The following GRIP1 variants were observed in gnomAD, a reference collection of about 807,000 sequenced individuals.
GRIP1 encodes the protein glutamate receptor-interacting protein 1.
GRIP1 carries 45 observed loss-of-function variants against 129.9 expected under a neutral mutation model. The ratio of observed to expected loss-of-function variants is 0.35; its 90% confidence interval spans 0.27 to 0.44. GRIP1 has a LOEUF of 0.44. Among genes scored for constraint, GRIP1 ranks in the 20% least tolerant of loss-of-function variants. The probability of loss-of-function intolerance (pLI) is 1.00; values close to 1 mark genes in which losing one functional copy is unlikely to be tolerated. For missense variants in GRIP1, 1,196 were observed against 1,396.8 expected, an observed-to-expected ratio of 0.86 and a Z score of 2.29; for synonymous variants, 530 against 520.8, an observed-to-expected ratio of 1.02 and a Z score of -0.24.
chr12:66,925,884 TCCAC>T (rs975733558), intron 1 of GRIP1, among the ~76,000 whole-genome samples: 2 of 152,196 alleles, frequency 1.3e-5, no homozygotes, highest in Non-Finnish European at 2.9e-5. Context: ...TCTCAAGTGA[TCCAC>T]CCACCCCGGC....
chr12:66,708,871 T>G (rs2035622395), intron 1 of GRIP1, among the ~76,000 whole-genome samples: 1 of 151,580 alleles, frequency 6.6e-6, no homozygotes, highest in Non-Finnish European at 1.5e-5. Context: ...CTCCCTCTAC[T>G]GGCAAAAAAT....
At chr12:66,729,203 T>C (rs1217248793) in intron 1 of GRIP1, among the ~76,000 whole-genome samples, 2 of 152,086 alleles carry the variant, frequency 1.3e-5, no homozygotes, top group African/African-American at 4.8e-5. Flanking sequence ...ATGCTAGTCT[T>C]GACTGCTAGC....
intron 19 of GRIP1, among the ~76,000 whole-genome samples, chr12:66,389,948 C>T (rs1212329933): frequency 1.3e-5 from 2 of 152,198 alleles, no homozygotes; most frequent in South Asian, 2.1e-4. Flanking sequence ...TCAACAGAGA[C>T]CCAATAGCTG....
At chr12:66,563,879 TCC>T (rs1174236524) in intron 2 of GRIP1, 1 of 152,392 alleles carries the variant, frequency 6.6e-6, no homozygotes, top group Non-Finnish European at 1.5e-5. Flanking sequence ...GAACAGGTTC[TCC>T]CAAAGGGAGA....
intron 2 of GRIP1, among the ~76,000 whole-genome samples, chr12:66,542,829 G>C (rs1713082520): frequency 6.6e-6 from 1 of 152,100 alleles, no homozygotes; most frequent in African/African-American, 2.4e-5. Context: ...TCTTGGTAGG[G>C]ATGGGGAAAT....
In GRIP1 at chr12:66,782,385, T is replaced by C. The variant is rs548105308; in HGVS notation, c.-420+21668A>G. ...GGTTGTTAATTTTCTTCTTAACACC[T>C]TTCTCTGGAACTGGAGGCAATGAAG... On this transcript the variant is annotated intron_variant, in intron 1 of 4. Transcript: ENST00000538373. 2.6e-5 allele frequency among the ~76,000 whole-genome samples: 4 copies of C among 152,280 alleles called. No individual in the cohort carries two copies. In the South Asian group the frequency reaches 6.2e-4, roughly 24 times the overall value.
intron 1 of GRIP1, among the ~76,000 whole-genome samples, chr12:66,986,668 G>C (rs2042316480): frequency 7.8e-6 from 1 of 128,014 alleles, no homozygotes. Flanking sequence ...TCACACTCTG[G>C]GGACTATTGT....
chr12:66,532,317 G>C (rs2061484827), intron 4 of GRIP1, among the ~76,000 whole-genome samples: 1 of 152,064 alleles, frequency 6.6e-6, no homozygotes, highest in African/African-American at 2.4e-5. Flanking sequence ...TATACACAAA[G>C]TTCCAATTAA....
chr12:66,953,267 A>G (rs777191676), intron 1 of GRIP1, among the ~76,000 whole-genome samples: 1 of 152,214 alleles, frequency 6.6e-6, no homozygotes, highest in Non-Finnish European at 1.5e-5. Flanking sequence ...TGCAAAGGCT[A>G]TGAAGGAAAA....
intron 14 of GRIP1, among the ~76,000 whole-genome samples, chr12:66,421,388 A>G (rs1357959409): frequency 3.9e-5 from 6 of 152,128 alleles, no homozygotes; most frequent in Non-Finnish European, 8.8e-5. Flanking sequence ...TACGAAAAAC[A>G]CAAAAATTAG....
chr12:66,902,162 C>T (rs2040853998), intron 1 of GRIP1, among the ~76,000 whole-genome samples: 1 of 152,168 alleles, frequency 6.6e-6, no homozygotes, highest in South Asian at 2.1e-4. Flanking sequence ...ACAGCAAGCA[C>T]CTGGCACTTA....
chr12:66,897,843 A>C (rs917801760), intron 1 of GRIP1, among the ~76,000 whole-genome samples: 8 of 152,244 alleles, frequency 5.3e-5, no homozygotes, highest in Non-Finnish European at 1.2e-4. Flanking sequence ...ACACATGCAT[A>C]CACACCAGTT....
At chr12:66,388,550 T>A (rs1413504038) in intron 19 of GRIP1, among the ~76,000 whole-genome samples, 1 of 152,152 alleles carries the variant, frequency 6.6e-6, no homozygotes, top group Admixed American at 6.5e-5. Context: ...AAGGAAGAAT[T>A]AATAAGATGC....
At chr12:66,665,766 C>A (rs1049787442) in intron 1 of GRIP1, among the ~76,000 whole-genome samples, 1 of 152,164 alleles carries the variant, frequency 6.6e-6, no homozygotes, top group Admixed American at 6.5e-5. Context: ...ACGTAGCATG[C>A]ATTTTTTTGG....
intron 1 of GRIP1, among the ~76,000 whole-genome samples, chr12:66,615,980 C>T (rs971688396): frequency 2.6e-5 from 4 of 152,130 alleles, no homozygotes; most frequent in African/African-American, 7.2e-5. Flanking sequence ...ACGATGCCTG[C>T]ATTCAAACGT....
rs936928338 is a variant in GRIP1 at position 67,025,228 on chromosome 12, C to T, written c.58+43822G>A. ...TGGTGGCAGGTGCCTGTAATCCCAG[C>T]TACTTGGGAGGCTGAGGCAGAAGAA... is the stretch of plus-strand genomic sequence containing the variant. On this transcript the variant is annotated intron_variant, in intron 1 of 1. Coordinates refer to the GRIP1 transcript ENST00000643019. Among the ~76,000 whole-genome samples the T allele has an allele frequency of 3.3e-5, 5 of 152,248 alleles. No homozygotes were observed. The South Asian group carries it at 1.0e-3, about 32-fold the overall frequency.
At position 66,517,947 on chromosome 12, in the gene GRIP1, G is replaced by A. The variant is rs2060894519; in HGVS notation, c.532C>T (p.Arg178Cys). The change falls in exon 6 of 25, where the codon CGT (arginine) becomes TGT (cysteine). Residue 178 changes from arginine (R) to cysteine (C), a missense_variant. This residue lies in a region of GRIP1 where 217 missense variants were observed against 224.8 expected (regional missense o/e 0.97). Transcript: ENST00000359742. ...CGAACACATGTTATCACAACTGGAC[G>A]AGATTTATTTCTATCATCATGTGCT... ...GGAHDDRNKS[R>C]PVVITCVRPG... 2 of 1,597,386 alleles carry A rather than the reference G, an allele frequency of 1.3e-6. No homozygotes were observed. Among genetic ancestry groups the A allele is most frequent in the African/African-American group, 1.3e-5 (1 of 74,602 alleles).
chr12:66,450,415 G>T (rs1374453625), intron 11 of GRIP1, among the ~76,000 whole-genome samples: 1 of 145,632 alleles, frequency 6.9e-6, no homozygotes. Flanking sequence ...TCAAAGGAAA[G>T]ACTTGCTATG....
intron 16 of GRIP1, among the ~76,000 whole-genome samples, chr12:66,401,795 T>C (rs943548177): frequency 1.3e-5 from 2 of 152,046 alleles, no homozygotes; most frequent in African/African-American, 2.4e-5. Flanking sequence ...AGTCTGGCAT[T>C]CTTAGTCTTT....
Sources: allele counts gnomAD v4.1 joint callset (sites outside exome capture counted in the v4.1 genomes callset), GRCh38; gene constraint gnomAD v4.1.1; regional missense constraint gnomAD v4.1.1; transcripts MANE v1.5; gene names NCBI Gene and HGNC (gene_info 2026-07-23, HGNC 2026-07-21).